ASCC3: variants seen among roughly 807,000 people sequenced by gnomAD.
ASCC3 encodes the protein activating signal cointegrator 1 complex subunit 3, also known as ASC-1 complex subunit P200.
A neutral mutation model predicts 256.3 loss-of-function variants in ASCC3; 158 were observed. That is an observed-to-expected ratio of 0.62 (90% confidence interval 0.54 to 0.70). The LOEUF is 0.70. ASCC3 is among the 30% of genes least tolerant of loss of function. The probability of loss-of-function intolerance (pLI) is 0.00; values close to 1 mark genes in which losing one functional copy is unlikely to be tolerated. For missense variants in ASCC3, 2,259 were observed against 2,626.0 expected, an observed-to-expected ratio of 0.86 and a Z score of 3.05; for synonymous variants, 948 against 883.4, an observed-to-expected ratio of 1.07 and a Z score of -1.30.
At position 100,509,364 on chromosome 6, in the gene ASCC3, C is replaced by T. The variant is rs373437091; in HGVS notation, c.*22G>A. 4.0e-5 allele frequency: 64 copies of T among 1,613,616 alleles called. No homozygotes were observed. The African/African-American group carries it at 8.1e-4, about 21-fold the overall frequency. On this transcript the variant is annotated 3_prime_UTR_variant, in exon 42 of 42. Coordinates refer to ENST00000369162, the MANE Select transcript of ASCC3 (RefSeq NM_006828.4). ...AGAGAGAATTCTTAGCCACTCCTTT[C>T]AAATGGATTGTTCAGGTCAAGTTAC...
intron 13 of ASCC3, among the ~76,000 whole-genome samples, chr6:100,692,001 A>G (rs181196318): frequency 1.3e-5 from 2 of 152,196 alleles, no homozygotes; most frequent in Admixed American, 1.3e-4. Flanking sequence ...CACCTGGCAC[A>G]TGGAAGTGAT....
intron 21 of ASCC3, among the ~76,000 whole-genome samples, 162 bp downstream of exon 21, chr6:100,647,064 A>G (rs239237): frequency 0.56 from 85,561 of 151,928 alleles, 24,311 homozygotes; most frequent in East Asian, 0.73. Flanking sequence ...ACTTGAATAT[A>G]AAGAGATTTT....
intron 3 of ASCC3, chr6:100,859,058 C>T (rs763241488): frequency 2.6e-6 from 2 of 766,876 alleles, no homozygotes; most frequent in South Asian, 2.7e-5. Context: ...CTTTAATAGT[C>T]AAATATTCAG....
At chr6:100,519,182 C>A (rs1010593957) in intron 37 of ASCC3, among the ~76,000 whole-genome samples, 2 of 151,970 alleles carry the variant, frequency 1.3e-5, no homozygotes, top group African/African-American at 4.8e-5. Context: ...CTCTAATTTA[C>A]AAAAAGTGAA....
intron 10 of ASCC3, among the ~76,000 whole-genome samples, chr6:100,756,856 T>G (rs1401614976): frequency 1.3e-5 from 2 of 152,108 alleles, no homozygotes; most frequent in Non-Finnish European, 2.9e-5. Context: ...TATAAAATTT[T>G]TTTTTAAAAA....
intron 13 of ASCC3, among the ~76,000 whole-genome samples, chr6:100,707,295 A>G (rs1778630683): frequency 6.6e-6 from 1 of 152,108 alleles, no homozygotes; most frequent in South Asian, 2.1e-4. Flanking sequence ...CAAAGCATTT[A>G]TTTACATTTT....
intron 8 of ASCC3, among the ~76,000 whole-genome samples, chr6:100,771,439 T>A (rs577938523): frequency 6.6e-5 from 10 of 152,118 alleles, no homozygotes; most frequent in Non-Finnish European, 1.3e-4. Context: ...ATGGAAAACC[T>A]ACTATCTTTA....
intron 36 of ASCC3, among the ~76,000 whole-genome samples, chr6:100,584,087 T>G (rs1268043345): frequency 6.6e-6 from 1 of 151,768 alleles, no homozygotes; most frequent in Non-Finnish European, 1.5e-5. Context: ...GAGAGTTCTG[T>G]AGATGTCTAT....
chr6:100,650,058 A>G (rs1311120443), intron 20 of ASCC3, among the ~76,000 whole-genome samples: 1 of 151,696 alleles, frequency 6.6e-6, no homozygotes, highest in Non-Finnish European at 1.5e-5. Context: ...TGTAAAAACC[A>G]GAGACATCAC....
At chr6:100,880,389 T>G (rs1769239317) in intron 1 of ASCC3, among the ~76,000 whole-genome samples, 1 of 152,222 alleles carries the variant, frequency 6.6e-6, no homozygotes, top group Non-Finnish European at 1.5e-5. Context: ...ACCATGAGTT[T>G]GAATGCACAA....
chr6:100,785,997 G>A (rs921207676), intron 8 of ASCC3, among the ~76,000 whole-genome samples: 1 of 152,124 alleles, frequency 6.6e-6, no homozygotes, highest in Non-Finnish European at 1.5e-5. Flanking sequence ...CTCTTCTTGG[G>A]AGGGTAAGAT....
At chr6:100,723,889 TATATA>T (rs1562251392) in intron 11 of ASCC3, among the ~76,000 whole-genome samples, 22 of 136,650 alleles carry the variant, frequency 1.6e-4, no homozygotes, top group African/African-American at 2.7e-4. Context: ...TATATATATA[TATATA>T]TATTTATAAT....
At chr6:100,605,506 A>T in intron 33 of ASCC3, 62 bp downstream of exon 33, 1 of 1,235,674 alleles carries the variant, frequency 8.1e-7, no homozygotes. Flanking sequence ...ATAAAATATA[A>T]CCAGAAAAAC....
intron 40 of ASCC3, 128 bp downstream of exon 40, chr6:100,512,581 G>T (rs374708057): frequency 5.7e-5 from 57 of 995,680 alleles, no homozygotes; most frequent in South Asian, 5.2e-4. Flanking sequence ...AACTCTCGCT[G>T]CTTAAGACCA....
At chr6:100,561,821 TA>T (rs773259237) in intron 36 of ASCC3, among the ~76,000 whole-genome samples, 147 of 152,202 alleles carry the variant, frequency 9.7e-4, no homozygotes, top group Admixed American at 1.6e-3. Context: ...AGAAAATACT[TA>T]AAAAGATGAT....
intron 40 of ASCC3, 149 bp from the exon 41 acceptor site, chr6:100,510,256 T>C: frequency 1.2e-6 from 1 of 837,358 alleles, no homozygotes; most frequent in Non-Finnish European, 1.9e-6. Context: ...TTTCTTCCAT[T>C]CTGGTTTGGT....
At position 100,509,537 on chromosome 6, in the gene ASCC3, A is replaced by T; in HGVS notation, c.6462-4T>A. 1.9e-6 allele frequency: 3 copies of T among 1,609,242 alleles called. No individual in the cohort carries two copies. The highest frequency in any genetic ancestry group is 2.6e-6 in the Non-Finnish European group (3 of 1,176,044). ...GAAATATAATGTGTAGATATACCTA[A>T]AATATAAAAATAGAAGAAAAATGTA... On this transcript the variant is annotated splice_region_variant and splice_polypyrimidine_tract_variant and intron_variant, in intron 41 of 41. Coordinates refer to ENST00000369162, the MANE Select transcript of ASCC3 (RefSeq NM_006828.4).
intron 11 of ASCC3, among the ~76,000 whole-genome samples, chr6:100,723,305 G>T (rs1013248111): frequency 6.6e-6 from 1 of 151,428 alleles, no homozygotes; most frequent in Admixed American, 6.6e-5. Context: ...AATTTCAGGG[G>T]TGTGTCTTAC....
chr6:100,786,805 G>A (rs147267030), intron 8 of ASCC3, among the ~76,000 whole-genome samples: 2 of 152,150 alleles, frequency 1.3e-5, no homozygotes, highest in East Asian at 1.9e-4. Context: ...CTTTGAAACC[G>A]CACTTCAGAT....
Sources: gnomAD v4.1 joint callset for allele counts (sites outside exome capture counted in the v4.1 genomes callset) on GRCh38, gnomAD v4.1.1 for gene constraint, MANE v1.5 for transcripts, NCBI Gene and HGNC (gene_info 2026-07-23, HGNC 2026-07-21) for gene names.